The following PREP variants were observed in gnomAD, a reference collection of about 807,000 sequenced individuals.
The protein encoded by PREP is prolyl endopeptidase, also known as dJ355L5.1 (prolyl endopeptidase).
In PREP, 29 loss-of-function variants were observed where a neutral mutation model predicts 87.6. The observed-to-expected ratio is 0.33, with a 90% confidence interval of 0.25 to 0.45. The LOEUF (loss-of-function observed/expected upper bound fraction) is 0.45. PREP is among the 20% of genes least tolerant of loss of function. PREP has a pLI of 1.00. For synonymous variants in PREP, 337 were observed against 328.6 expected (o/e 1.03, Z -0.28); for missense variants, 695 against 886.5 (o/e 0.78, Z 2.74).
At chr6:105,362,957 C>A (rs1293109037) in intron 6 of PREP, among the ~76,000 whole-genome samples, 11 of 152,236 alleles carry the variant, frequency 7.2e-5, no homozygotes, top group Admixed American at 7.2e-4. Flanking sequence ...TGTGCATGAA[C>A]TTCCACAGGG....
intron 4 of PREP, among the ~76,000 whole-genome samples, chr6:105,374,591 T>C (rs914702164): frequency 1.5e-5 from 2 of 129,426 alleles, no homozygotes; most frequent in African/African-American, 6.2e-5. Flanking sequence ...AAGAAACATA[T>C]TCACCTTTTA....
At chr6:105,367,658 C>T (rs1243635726) in intron 6 of PREP, among the ~76,000 whole-genome samples, 1 of 136,726 alleles carries the variant, frequency 7.3e-6, no homozygotes, top group Admixed American at 7.7e-5. Flanking sequence ...GGCGACAGAG[C>T]GAGACTCCGT....
At chr6:105,382,311 A>G (rs1405918961) in intron 2 of PREP, among the ~76,000 whole-genome samples, 2 of 150,158 alleles carry the variant, frequency 1.3e-5, no homozygotes, top group Admixed American at 1.3e-4. Context: ...ACACACACAC[A>G]CAAAGTATGT....
intron 2 of PREP, among the ~76,000 whole-genome samples, chr6:105,382,234 G>A (rs1772861526): frequency 6.7e-6 from 1 of 150,178 alleles, no homozygotes; most frequent in Non-Finnish European, 1.5e-5. Flanking sequence ...CATGGTAACT[G>A]CCTGAAAATT....
chr6:105,281,876 G>C lies in PREP; in HGVS notation c.1708C>G (p.Leu570Val). 1 of 1,614,054 alleles carries C rather than the reference G, an allele frequency of 6.2e-7. No homozygotes were observed. Among genetic ancestry groups the C allele is most frequent in the Non-Finnish European group, 8.5e-7 (1 of 1,179,998 alleles). ...VAACANQRPDLFGCVIAQVGV... is the reference protein window; with the variant it reads ...VAACANQRPDVFGCVIAQVGV... ...ACTTGGGCAATAACACAACCAAAGAGGTCAGGTCTCTGATTTGCACAAGCA... is the reference window on the plus strand; with the variant it reads ...ACTTGGGCAATAACACAACCAAAGACGTCAGGTCTCTGATTTGCACAAGCA... The change falls in exon 14 of 15, where the codon CTC becomes GTC. Residue 570 changes from leucine (L) to valine (V), a missense_variant. Around this residue, in one of 5 missense-constraint regions of PREP, gnomAD observed 20 missense variants for 58.9 expected, o/e 0.34. Coordinates refer to ENST00000652536, the MANE Select transcript of PREP (RefSeq NM_002726.5).
intron 12 of PREP, 97 bp from the exon 13 acceptor site, chr6:105,282,679 T>G: frequency 7.2e-7 from 1 of 1,387,684 alleles, no homozygotes; most frequent in South Asian, 1.4e-5. Flanking sequence ...TTTCAAATAC[T>G]GATTAACTTA....
chr6:105,355,785 C>T (rs1426682772), intron 6 of PREP, among the ~76,000 whole-genome samples: 1 of 152,122 alleles, frequency 6.6e-6, no homozygotes, highest in Non-Finnish European at 1.5e-5. Flanking sequence ...GTCTTAGTTT[C>T]TCTTTGTGGT....
chr6:105,370,123 G>A (rs1772496419), intron 5 of PREP, among the ~76,000 whole-genome samples: 2 of 151,806 alleles, frequency 1.3e-5, no homozygotes, highest in African/African-American at 4.8e-5. Flanking sequence ...GGGGTGGCAT[G>A]CACCTGTAGT....
intron 10 of PREP, among the ~76,000 whole-genome samples, chr6:105,302,241 C>T (rs1627584): frequency 6.6e-6 from 1 of 152,130 alleles, no homozygotes; most frequent in African/African-American, 2.4e-5. Context: ...ACATGGCTCA[C>T]TGCAATGGGA....
At chr6:105,352,134 C>A (rs1771973117) in intron 7 of PREP, among the ~76,000 whole-genome samples, 1 of 151,990 alleles carries the variant, frequency 6.6e-6, no homozygotes, top group African/African-American at 2.4e-5. Context: ...CTAGGTCAAC[C>A]CTCTCTAAAA....
intron 11 of PREP, among the ~76,000 whole-genome samples, chr6:105,287,047 T>C (rs1333097075): frequency 1.3e-5 from 2 of 151,736 alleles, no homozygotes; most frequent in African/African-American, 4.8e-5. Flanking sequence ...TTTTAATACT[T>C]TGAGTGATAT....
chr6:105,365,644 G>A (rs1210532158), intron 6 of PREP, among the ~76,000 whole-genome samples: 1 of 152,040 alleles, frequency 6.6e-6, no homozygotes, highest in Admixed American at 6.5e-5. Flanking sequence ...AGGAAGGAAG[G>A]AGCACTTACC....
intron 10 of PREP, among the ~76,000 whole-genome samples, chr6:105,312,193 T>A (rs1438876550): frequency 6.6e-6 from 1 of 152,198 alleles, no homozygotes; most frequent in East Asian, 1.9e-4. Flanking sequence ...CTACCTGAAC[T>A]GAGATCAAAA....
At chr6:105,388,075 G>C (rs1773049375) in intron 2 of PREP, among the ~76,000 whole-genome samples, 1 of 152,164 alleles carries the variant, frequency 6.6e-6, no homozygotes, top group Admixed American at 6.5e-5. Flanking sequence ...GGGGTAGCCA[G>C]CATCCATGCT....
Position 105,397,854 on chromosome 6 carries a change from T to G in PREP, c.119A>C (p.Lys40Thr), listed in dbSNP as rs775347822. The change falls in exon 2 of 15, where the codon AAG becomes ACG. Residue 40 changes from lysine (K) to threonine (T), a missense_variant and splice_region_variant. Lys to Thr is a moderately conservative substitution (Grantham distance 78). Coordinates refer to ENST00000652536, the MANE Select transcript of PREP (RefSeq NM_002726.5). The stretch of plus-strand genomic sequence containing the variant: ...ATCTTTAATTAGAAACCAAATTACC[T>G]TAGTCTGTTCACTGTCGGGGTCTTC... ...WLEDPDSEQT[K>T]AFVEAQNKIT... is the part of the protein sequence containing the mutation. The G allele has an allele frequency of 6.2e-7, 1 of 1,603,368 alleles. No homozygotes were observed. The highest frequency in any genetic ancestry group is 1.7e-5 in the Admixed American group (1 of 60,000).
intron 10 of PREP, among the ~76,000 whole-genome samples, chr6:105,318,631 C>T (rs1418515693): frequency 1.3e-5 from 2 of 152,124 alleles, no homozygotes; most frequent in Non-Finnish European, 2.9e-5. Context: ...TGCCATGAAG[C>T]GTAATATCAG....
intron 10 of PREP, among the ~76,000 whole-genome samples, chr6:105,316,315 T>G (rs1371193363): frequency 6.6e-6 from 1 of 152,172 alleles, no homozygotes; most frequent in Non-Finnish European, 1.5e-5. Context: ...GGGAGAGAGA[T>G]GAGGGTATAG....
chr6:105,333,360 C>T lies in PREP; in HGVS notation c.969G>A (p.Glu323=). Residue 323 remains glutamate (E), a synonymous_variant, in exon 8 of 15, where the codon GAG becomes GAA. Coordinates refer to ENST00000652536, the MANE Select transcript of PREP (RefSeq NM_002726.5). ...CAGGAACAAGTACTTTCCACTTAGA[C>T]TCTTCAGGATCCCTGAAGTCAATGT... is the stretch of plus-strand genomic sequence containing the variant. The part of the protein sequence containing the change: ...VINIDFRDPE[E]SKWKVLVPEH... 1 of 1,614,200 alleles carries T rather than the reference C, an allele frequency of 6.2e-7. No homozygotes were observed. Among genetic ancestry groups the T allele is most frequent in the South Asian group, 1.1e-5 (1 of 91,080 alleles).
At chr6:105,379,016 T>A (rs1772767619) in intron 2 of PREP, among the ~76,000 whole-genome samples, 1 of 152,186 alleles carries the variant, frequency 6.6e-6, no homozygotes, top group African/African-American at 2.4e-5. Flanking sequence ...TTACAATGCA[T>A]TTAAAAACAA....
Sources: allele counts gnomAD v4.1 joint callset (sites outside exome capture counted in the v4.1 genomes callset), GRCh38; gene constraint gnomAD v4.1.1; regional missense constraint gnomAD v4.1.1; transcripts MANE v1.5; gene names NCBI Gene and HGNC (gene_info 2026-07-23, HGNC 2026-07-21).